Variants in CTSD observed in about 807,000 individuals in gnomAD.
The protein encoded by CTSD is cathepsin D.
CTSD carries 28 observed loss-of-function variants against 43.6 expected under a neutral mutation model. The ratio of observed to expected loss-of-function variants is 0.64; its 90% CI spans 0.48 to 0.88. CTSD has a LOEUF of 0.88. Ranked by LOEUF, CTSD falls within the 40% of genes least tolerant of loss-of-function variation. The pLI, the probability that CTSD is intolerant of heterozygous loss-of-function variation, is 0.00. For synonymous variants in CTSD, 270 were observed against 249.8 expected, an observed-to-expected ratio of 1.08 and a Z score of -0.76; for missense variants, 485 against 555.2, an observed-to-expected ratio of 0.87 and a Z score of 1.27.
At chr11:1,755,075 C>G (rs1319158634) in intron 5 of CTSD, 47 bp from the exon 6 acceptor site, 1 of 1,611,974 alleles carries the variant, frequency 6.2e-7, no homozygotes, top group Non-Finnish European at 8.5e-7. Context: ...CCCCCAAGCA[C>G]AAGAGTGCCA....
chr11:1,754,614 GGATGGAGGGC>G (rs1258823172), intron 6 of CTSD, among the ~76,000 whole-genome samples: 51 of 146,386 alleles, frequency 3.5e-4, no homozygotes, highest in South Asian at 6.6e-4. Flanking sequence ...GGGATGGAGG[GGATGGAGGGC>G]ATGGAGGGAT....
Position 1,759,085 on chromosome 11 carries a change from T to C in CTSD, c.355A>G (p.Ile119Val), listed in dbSNP as rs768013885. 6.2e-7 allele frequency: 1 copy of C among 1,612,160 alleles called. No individual in the cohort carries two copies. The highest frequency in any genetic ancestry group is 1.3e-5 in the African/African-American group (1 of 74,874). ...TTGTCGCTGTTGTACTTGTGGTGGA[T>C]CCCTGCCCCGGGCGACAAGGGGGCC... ...HCKLLDIACW[I>V]HHKYNSDKSS... The change falls in exon 4 of 9, where the codon ATC becomes GTC. Residue 119 changes from isoleucine to valine, a missense_variant and splice_region_variant. By Grantham distance (29) the Ile-to-Val change is conservative. Transcript: ENST00000236671.
At chr11:1,761,709 C>T (rs925785413) in intron 1 of CTSD, 3 of 582,932 alleles carry the variant, frequency 5.1e-6, no homozygotes, top group Non-Finnish European at 9.4e-6. Flanking sequence ...CCGCCACCCA[C>T]CTCAGCCCCA....
intron 4 of CTSD, chr11:1,758,090 G>A (rs577738387): frequency 2.1e-4 from 45 of 216,036 alleles, no homozygotes; most frequent in East Asian, 1.2e-4. Flanking sequence ...GACACGGGGC[G>A]GAGGGGGCAG....
At chr11:1,762,067 C>T (rs912953194) in intron 1 of CTSD, 1 of 183,542 alleles carries the variant, frequency 5.4e-6, no homozygotes, top group African/African-American at 2.4e-5. Context: ...ACTACCTGTC[C>T]TCCTCCACAT....
At chr11:1,761,211 G>C in intron 2 of CTSD, 98 bp downstream of exon 2, 1 of 1,413,202 alleles carries the variant, frequency 7.1e-7, no homozygotes, top group South Asian at 1.2e-5. Flanking sequence ...CACTCAAACT[G>C]CGCTGCTGAG....
At chr11:1,756,305 TG>T (rs1845809000) in intron 5 of CTSD, among the ~76,000 whole-genome samples, 1 of 152,212 alleles carries the variant, frequency 6.6e-6, no homozygotes, top group South Asian at 2.1e-4. Flanking sequence ...CCAAGGCTCC[TG>T]GGGAAATGGC....
rs778724086 is a variant in CTSD, at chr11:1,755,041, G to C, written c.705-13C>G. On this transcript the variant is annotated splice_polypyrimidine_tract_variant and intron_variant, in intron 5 of 8. Transcript: ENST00000236671. ...CGCATCTGGGTCCCTAGGAGGAAAAGGGAGGAGTCAGCTGCCACGCCACCC... is the reference window on the plus strand; with the variant it reads ...CGCATCTGGGTCCCTAGGAGGAAAACGGAGGAGTCAGCTGCCACGCCACCC... 2 of 1,613,646 alleles carry C rather than the reference G, an allele frequency of 1.2e-6. No homozygotes were observed. Among genetic ancestry groups the C allele is most frequent in the East Asian group, 2.2e-5 (1 of 44,866 alleles).
At chr11:1,754,177 G>A (rs778040768) in intron 6 of CTSD, 39 bp from the exon 7 acceptor site, 94 of 1,595,480 alleles carry the variant, frequency 5.9e-5, no homozygotes, top group Non-Finnish European at 7.7e-5. Flanking sequence ...GCCGGGACTG[G>A]AGTGTGCCCT....
intron 4 of CTSD, 112 bp downstream of exon 4, chr11:1,758,857 G>T: frequency 1.2e-6 from 1 of 832,244 alleles, no homozygotes; most frequent in Middle Eastern, 2.3e-4. Context: ...CCACCTGAGG[G>T]CTGGGGTTGG....
chr11:1,758,178 C>T (rs995892027), intron 4 of CTSD: 4 of 177,086 alleles, frequency 2.3e-5, no homozygotes, highest in African/African-American at 9.6e-5. Context: ...TCTGAGGAGC[C>T]CCCAGTACAG....
At position 1,758,974 on chromosome 11, in the gene CTSD, C is replaced by G; in HGVS notation, c.466G>C (p.Val156Leu). 6.2e-7 allele frequency: 1 copy of G among 1,607,862 alleles called. No individual in the cohort carries two copies. The highest frequency in any genetic ancestry group is 8.5e-7 in the Non-Finnish European group (1 of 1,174,380). ...SLSGYLSQDT[V>L]SVPCQSASSA... Reference sequence around the variant, plus strand: ...AAGGCCCCAGAGGGACTCACCGACACAGTGTCCTGGCTCAGGTACCCGGAG... The same window carrying G: ...AAGGCCCCAGAGGGACTCACCGACAGAGTGTCCTGGCTCAGGTACCCGGAG... The change falls in exon 4 of 9, where the codon GTG becomes CTG. Residue 156 changes from valine to leucine, a missense_variant. Physicochemically the swap from Val to Leu is conservative, Grantham distance 32 (BLOSUM62 1). Transcript: ENST00000236671.
chr11:1,759,786 C>T, intron 2 of CTSD, 147 bp from the exon 3 acceptor site: 1 of 845,176 alleles, frequency 1.2e-6, no homozygotes, highest in Non-Finnish European at 1.8e-6. Flanking sequence ...CCACCCACTC[C>T]CACCTGCTCA....
chr11:1,763,855 T>G lies in CTSD; in HGVS notation c.5A>C (p.Gln2Pro), dbSNP rs1165381669. Residue 2 changes from glutamine (Q) to proline (P), a missense_variant, in exon 1 of 9, where the codon CAG becomes CCG. Gln to Pro is a moderately conservative substitution (Grantham distance 76). Transcript: ENST00000236671. Reference sequence around the variant, plus strand: ...GGCGAGCGGCAGAAGGCTGGAGGGCTGCATGGCGGCGGCGGCCGGGTCGGA... The same window carrying G: ...GGCGAGCGGCAGAAGGCTGGAGGGCGGCATGGCGGCGGCGGCCGGGTCGGA... MQPSSLLPLALC... is the reference protein window; with the variant it reads MPPSSLLPLALC... 1 of 1,524,104 alleles carries G rather than the reference T, an allele frequency of 6.6e-7. No individual in the cohort carries two copies. The highest frequency in any genetic ancestry group is 8.8e-7 in the Non-Finnish European group (1 of 1,141,242). 94.4% of individuals were successfully genotyped at this position (1,524,104 alleles called of 1,614,324 possible).
At chr11:1,760,223 G>A (rs1845858538) in intron 2 of CTSD, 1 of 153,084 alleles carries the variant, frequency 6.5e-6, no homozygotes, top group African/African-American at 2.4e-5. Context: ...CAGCAACCCT[G>A]CCTTAATGGC....
chr11:1,763,881 G>A lies in CTSD; in HGVS notation c.-22C>T. 6.6e-7 allele frequency: 1 copy of A among 1,518,244 alleles called. No individual in the cohort carries two copies. The highest frequency in any genetic ancestry group is 8.8e-7 in the Non-Finnish European group (1 of 1,138,292). 94.0% of individuals were successfully genotyped at this position (1,518,244 alleles called of 1,614,324 possible). ...GCATGGCGGCGGCGGCCGGGTCGGA[G>A]AGGGTCGCCGAGGCCGTGCGCTTAT... is the stretch of plus-strand genomic sequence containing the variant. On this transcript the variant is annotated 5_prime_UTR_variant, in exon 1 of 9. Coordinates refer to ENST00000236671, the MANE Select transcript of CTSD (RefSeq NM_001909.5).
At chr11:1,758,271 A>C (rs1470215610) in intron 4 of CTSD, among the ~76,000 whole-genome samples, 3 of 152,024 alleles carry the variant, frequency 2.0e-5, no homozygotes, top group African/African-American at 7.3e-5. Context: ...CTGGGCCTGC[A>C]GGGGGGCTCT....
chr11:1,753,770 C>G (rs376787754), intron 8 of CTSD, 33 bp downstream of exon 8: 3 of 1,610,370 alleles, frequency 1.9e-6, no homozygotes, highest in Admixed American at 1.7e-5. Flanking sequence ...CGCCCGCTCA[C>G]CTGGGGCGTG....
chr11:1,755,612 C>T (rs371844033), intron 5 of CTSD, among the ~76,000 whole-genome samples: 59 of 152,264 alleles, frequency 3.9e-4, no homozygotes, highest in African/African-American at 1.3e-3. Flanking sequence ...CAACCCATGT[C>T]GCCCGGGTTT....
Sources: gnomAD v4.1 joint callset for allele counts (sites outside exome capture counted in the v4.1 genomes callset) on GRCh38, gnomAD v4.1.1 for gene constraint, MANE v1.5 for transcripts, NCBI Gene and HGNC (gene_info 2026-07-23, HGNC 2026-07-21) for gene names.